Variants in PER2 observed in about 807,000 individuals in gnomAD.
PER2 encodes period circadian protein homolog 2.
In PER2, 66 loss-of-function variants were observed where a neutral mutation model predicts 121.0. That is an observed-to-expected ratio of 0.55 (90% CI 0.45 to 0.67). The LOEUF is 0.67. PER2 is among the 30% of genes least tolerant of loss of function. The pLI is 0.00. For missense variants in PER2, 1,521 were observed against 1,635.0 expected (o/e 0.93, Z 1.20); for synonymous variants, 684 against 659.9 (o/e 1.04, Z -0.56).
At chr2:238,262,157 C>T in intron 11 of PER2, 34 bp downstream of exon 11, 1 of 1,607,352 alleles carries the variant, frequency 6.2e-7, no homozygotes. Context: ...CCGCCCAAGA[C>T]CCCTGAGCCA....
chr2:238,267,031 G>C (rs1237884693), intron 8 of PER2, among the ~76,000 whole-genome samples: 2 of 135,000 alleles, frequency 1.5e-5, no homozygotes, highest in African/African-American at 2.8e-5. Context: ...CTGGGCAAAA[G>C]AGCAAGACTC....
chr2:238,253,584 A>G lies in PER2; in HGVS notation c.2439T>C (p.Ser813=). The G allele has an allele frequency of 6.2e-7, 1 of 1,610,050 alleles. No homozygotes were observed. The highest frequency in any genetic ancestry group is 2.2e-5 in the East Asian group (1 of 44,800). ...KPRDSSESTG[S]GGPVSARPPL... ...GGGGCCGGGCGGACACGGGCCCCCC[A>G]GATCCGGTGCTCTCAGATGAGTCTC... The change falls in exon 19 of 23, where the codon TCT becomes TCC. Residue 813 remains serine (S), a synonymous_variant. Coordinates refer to ENST00000254657, the MANE Select transcript of PER2 (RefSeq NM_022817.3). The surrounding 1 kb of genome is among the most constrained non-coding windows in gnomAD (Gnocchi z 5.6).
At chr2:238,290,167 C>G (rs1696923602), upstream of PER2, 1 of 152,228 alleles carries the variant, frequency 6.6e-6, no homozygotes, top group African/African-American at 2.4e-5. Flanking sequence ...AGGGCAAATA[C>G]CAAGTTCATC....
chr2:238,253,723 C>T lies in PER2; in HGVS notation c.2321-21G>A, dbSNP rs778875520. 8.3e-6 allele frequency: 13 copies of T among 1,564,316 alleles called. No homozygotes were observed. Among genetic ancestry groups the T allele is most frequent in the South Asian group, 2.3e-5 (2 of 87,332 alleles). On this transcript the variant is annotated intron_variant, in intron 18 of 22. Coordinates refer to ENST00000254657, the MANE Select transcript of PER2 (RefSeq NM_022817.3). The surrounding 1 kb of genome is among the most constrained non-coding windows in gnomAD (Gnocchi z 5.6). ...GGCAGCTAATGCAGAAAAACAAATA[C>T]TCGGAGTTAAAATTTTAACTCCAAA... is the stretch of plus-strand genomic sequence containing the variant.
intron 1 of PER2, among the ~76,000 whole-genome samples, chr2:238,284,355 T>C (rs899372624): frequency 7.3e-5 from 11 of 151,084 alleles, no homozygotes; most frequent in South Asian, 2.1e-4. Context: ...GACAGGAGAA[T>C]TGCTTGAACC....
intron 4 of PER2, among the ~76,000 whole-genome samples, chr2:238,274,286 G>A (rs1696385214): frequency 6.6e-6 from 1 of 152,202 alleles, no homozygotes; most frequent in South Asian, 2.1e-4. Context: ...GGGCCAGCTC[G>A]AGGCTGCCAC....
upstream of PER2, among the ~76,000 whole-genome samples, chr2:238,294,380 C>T (rs1223709609): frequency 6.6e-6 from 1 of 152,166 alleles, no homozygotes; most frequent in African/African-American, 2.4e-5. Context: ...GCTCTGGGGA[C>T]CAACAAGGCC....
At chr2:238,273,502 T>C (rs1255502438) in intron 4 of PER2, among the ~76,000 whole-genome samples, 1 of 151,994 alleles carries the variant, frequency 6.6e-6, no homozygotes, top group African/African-American at 2.4e-5. Context: ...AAGGGGCTTT[T>C]TTTTTTTTTT....
rs1361660346 is a variant in PER2, at chr2:238,256,954, T to C, written c.2033A>G (p.His678Arg). The C allele has an allele frequency of 6.2e-7, 1 of 1,614,016 alleles. No individual in the cohort carries two copies. The highest frequency in any genetic ancestry group is 1.3e-5 in the African/African-American group (1 of 74,944). Reference sequence around the variant, plus strand: ...CGGCTGCGGCTTCTTGTCTCCCACATGGACGATGGTGCTGCTGTAGCTGCA... The same window carrying C: ...CGGCTGCGGCTTCTTGTCTCCCACACGGACGATGGTGCTGCTGTAGCTGCA... ...SQCSYSSTIV[H>R]VGDKKPQPEL... Residue 678 changes from histidine (H) to arginine (R), a missense_variant, in exon 17 of 23, where the codon CAT becomes CGT. Physicochemically the swap from His to Arg is conservative, Grantham distance 29. Coordinates refer to ENST00000254657, the MANE Select transcript of PER2 (RefSeq NM_022817.3).
At chr2:238,267,471 A>G (rs1224544857) in intron 8 of PER2, among the ~76,000 whole-genome samples, 14 of 152,242 alleles carry the variant, frequency 9.2e-5, no homozygotes, top group Non-Finnish European at 1.8e-4. Context: ...AATGCTGGGC[A>G]TACAGAGGCA....
At chr2:238,280,346 C>G (rs919126019) in intron 1 of PER2, among the ~76,000 whole-genome samples, 3 of 152,164 alleles carry the variant, frequency 2.0e-5, no homozygotes, top group African/African-American at 7.2e-5. Context: ...ACAGCAGGGC[C>G]GACTAGACCT....
chr2:238,258,182 T>C, intron 16 of PER2, 94 bp downstream of exon 16: 1 of 1,374,830 alleles, frequency 7.3e-7, no homozygotes. Flanking sequence ...CCTACACCCT[T>C]ACACTGTGTC....
chr2:238,267,960 G>A (rs567127510), intron 8 of PER2, 96 bp downstream of exon 8: 411 of 1,391,278 alleles, frequency 3.0e-4, no homozygotes, highest in Middle Eastern at 1.8e-4. Context: ...GAACTGCAGC[G>A]GGGAGTCCAT....
At chr2:238,296,826 C>G in the PER2 span, among the ~76,000 whole-genome samples, 4 of 152,234 alleles carry the variant, frequency 2.6e-5, no homozygotes, top group African/African-American at 9.6e-5. Flanking sequence ...GCATCCCCAC[C>G]AAGGCTGCAG....
intron 14 of PER2, 56 bp downstream of exon 14, chr2:238,259,913 C>T (rs548455729): frequency 5.2e-5 from 43 of 831,088 alleles, no homozygotes; most frequent in Non-Finnish European, 8.1e-5. Flanking sequence ...GTTCCCTCTT[C>T]TCATGTGGCC....
upstream of PER2, among the ~76,000 whole-genome samples, chr2:238,293,931 C>G (rs1253120845): frequency 4.6e-5 from 7 of 152,102 alleles, no homozygotes; most frequent in Non-Finnish European, 7.3e-5. Context: ...TTTCTGGTCT[C>G]AGGCAGCTTG....
chr2:238,256,186 TG>T (rs1695755476), intron 17 of PER2, among the ~76,000 whole-genome samples: 1 of 152,232 alleles, frequency 6.6e-6, no homozygotes, highest in Non-Finnish European at 1.5e-5. Context: ...TCAGCTCTGC[TG>T]CTGAAGATAT....
At chr2:238,271,146 C>A (rs2304677) in intron 6 of PER2, among the ~76,000 whole-genome samples, 166 bp downstream of exon 6, 2 of 152,204 alleles carry the variant, frequency 1.3e-5, no homozygotes, top group Non-Finnish European at 2.9e-5. Context: ...TCTGAAGGGA[C>A]GAACAACTGC....
At position 238,267,956 on chromosome 2, in the gene PER2, C is replaced by T. The variant is rs1011499688; in HGVS notation, c.967+100G>A. The T allele has an allele frequency of 2.2e-6, 3 of 1,358,904 alleles. No individual in the cohort carries two copies. The African/African-American group carries it at 4.3e-5, about 19-fold the overall frequency. 84.2% of individuals were successfully genotyped at this position (1,358,904 alleles called of 1,614,324 possible). ...TGGAGAGGCCAAGGCTGGGGAACTG[C>T]AGCGGGGAGTCCATCGTACAGATGT... On this transcript the variant is annotated intron_variant, in intron 8 of 22. Transcript: ENST00000254657.
Sources: allele counts gnomAD v4.1 joint callset (sites outside exome capture counted in the v4.1 genomes callset), GRCh38; gene constraint gnomAD v4.1.1; non-coding constraint Gnocchi (gnomAD v3.1); transcripts MANE v1.5; gene names NCBI Gene and HGNC (gene_info 2026-07-23, HGNC 2026-07-21).